Variants in GLCCI1 observed in about 807,000 individuals in gnomAD.
The protein encoded by GLCCI1 is glucocorticoid-induced transcript 1 protein.
GLCCI1 carries 24 observed loss-of-function variants against 52.2 expected under a neutral mutation model. The ratio of observed to expected loss-of-function variants is 0.46; its 90% CI spans 0.33 to 0.65. The LOEUF is 0.65. GLCCI1 is among the 30% of genes least tolerant of loss of function. GLCCI1 has a pLI of 0.02. For synonymous variants in GLCCI1, 310 were observed against 276.5 expected (o/e 1.12, Z -1.20); for missense variants, 704 against 701.5 (o/e 1.00, Z -0.04).
chr7:8,025,397 A>G (rs1781595361), intron 3 of GLCCI1, among the ~76,000 whole-genome samples: 1 of 152,212 alleles, frequency 6.6e-6, no homozygotes, highest in South Asian at 2.1e-4. Flanking sequence ...TCTAAAAAAG[A>G]AGGAAACAAA....
Position 7,969,217 on chromosome 7 carries a change from T to G in GLCCI1, c.-134T>G. The G allele has an allele frequency of 5.3e-6, 3 of 568,284 alleles. No homozygotes were observed. The highest frequency in any genetic ancestry group is 6.9e-6 in the Non-Finnish European group (3 of 435,542). 35.2% of individuals were successfully genotyped at this position (568,284 alleles called of 1,614,324 possible). Reference sequence around the variant, plus strand: ...TGGGGAGGGGGAGCCCCGAGACTCCTCCCCCACAGCGATACCCCCGCCCCT... The same window carrying G: ...TGGGGAGGGGGAGCCCCGAGACTCCGCCCCCACAGCGATACCCCCGCCCCT... On this transcript the variant is annotated 5_prime_UTR_variant, in exon 1 of 8. Transcript: ENST00000223145. The surrounding 1 kb of genome is among the most constrained non-coding windows in gnomAD (Gnocchi z 4.9).
intron 1 of GLCCI1, among the ~76,000 whole-genome samples, chr7:7,998,058 A>G (rs570305471): frequency 6.6e-6 from 1 of 151,882 alleles, no homozygotes; most frequent in African/African-American, 2.4e-5. Flanking sequence ...AATTATTAAA[A>G]TCTACATTTA....
intron 2 of GLCCI1, among the ~76,000 whole-genome samples, chr7:8,017,026 T>C (rs1781393156): frequency 6.6e-6 from 1 of 152,212 alleles, no homozygotes; most frequent in African/African-American, 2.4e-5. Flanking sequence ...AGGTCAGGAT[T>C]CATTCAGTCA....
chr7:7,981,312 GTCTC>G (rs532502101), intron 1 of GLCCI1: 5,410 of 225,212 alleles, frequency 0.024, 95 homozygotes, highest in Non-Finnish European at 0.036. Context: ...CTTTCTTTCT[GTCTC>G]TCTTTCTTTC....
At chr7:8,036,161 G>T (rs1243450102) in intron 3 of GLCCI1, among the ~76,000 whole-genome samples, 2 of 152,194 alleles carry the variant, frequency 1.3e-5, no homozygotes, top group African/African-American at 4.8e-5. Context: ...TAACACAAGT[G>T]CACAGTTCTG....
At chr7:8,018,025 C>CT (rs1301451704) in intron 2 of GLCCI1, among the ~76,000 whole-genome samples, 1 of 152,034 alleles carries the variant, frequency 6.6e-6, no homozygotes, top group African/African-American at 2.4e-5. Context: ...CTATTCTAAA[C>CT]TTTTTTATAA....
chr7:8,084,789 A>G, intron 6 of GLCCI1, 108 bp from the exon 7 acceptor site: 1 of 1,090,074 alleles, frequency 9.2e-7, no homozygotes, highest in South Asian at 1.6e-5. Context: ...GAGACTGGTC[A>G]AAGCATAGGG....
At chr7:8,053,339 G>T (rs58134984) in intron 3 of GLCCI1, among the ~76,000 whole-genome samples, 73,162 of 133,328 alleles carry the variant, frequency 0.55, 19,789 homozygotes, top group Middle Eastern at 0.63. Context: ...TTGTTTGTTT[G>T]TTTTGAGACA....
intron 6 of GLCCI1, among the ~76,000 whole-genome samples, chr7:8,084,430 T>C (rs777093805): frequency 1.3e-5 from 2 of 152,208 alleles, no homozygotes; most frequent in Non-Finnish European, 2.9e-5. Flanking sequence ...GTGTTATTCA[T>C]GATATTTAGC....
At chr7:8,033,668 T>G (rs1043280427) in intron 3 of GLCCI1, among the ~76,000 whole-genome samples, 5 of 152,116 alleles carry the variant, frequency 3.3e-5, no homozygotes, top group African/African-American at 4.8e-5. Flanking sequence ...TTAAAGTGTT[T>G]AGAAATAATT....
At chr7:7,990,640 G>A (rs1243253319) in intron 1 of GLCCI1, among the ~76,000 whole-genome samples, 8 of 151,942 alleles carry the variant, frequency 5.3e-5, no homozygotes, top group African/African-American at 1.2e-4. Context: ...TGTTTTACTC[G>A]TGGCCTCTAC....
intron 6 of GLCCI1, among the ~76,000 whole-genome samples, chr7:8,074,931 T>C (rs1242493730): frequency 6.6e-6 from 1 of 152,110 alleles, no homozygotes; most frequent in Non-Finnish European, 1.5e-5. Context: ...CAGACATCTG[T>C]AGGAGCCTGG....
chr7:7,988,540 T>C (rs1780781693), intron 1 of GLCCI1, among the ~76,000 whole-genome samples: 1 of 152,188 alleles, frequency 6.6e-6, no homozygotes, highest in South Asian at 2.1e-4. Context: ...TCGGAGAATT[T>C]CATTTAGAAT....
At position 7,998,176 on chromosome 7, in the gene GLCCI1, GTT is replaced by G. The variant is rs71014742; in HGVS notation, c.458-5718_458-5717del. On this transcript the variant is annotated intron_variant, in intron 1 of 7. Coordinates refer to ENST00000223145, the MANE Select transcript of GLCCI1 (RefSeq NM_138426.4). ...CATTTTTGAGGAGGTAGTTTTTTTT[GTT>G]TTTTTTTTTTTTTGTTGTTGTTGTT... Among the ~76,000 whole-genome samples the G allele has an allele frequency of 2.9e-3, 418 of 143,702 alleles. 4 individuals carry two copies. The highest frequency in any genetic ancestry group is 0.011 in the East Asian group (53 of 4,868). 94.3% of individuals were successfully genotyped at this position (143,702 alleles called of 152,430 possible). A position where few individuals can be genotyped will look rare whatever the true frequency, so the allele number is the denominator to read the frequency against.
At chr7:7,973,066 G>T (rs1170920376) in intron 1 of GLCCI1, among the ~76,000 whole-genome samples, 1 of 152,108 alleles carries the variant, frequency 6.6e-6, no homozygotes, top group African/African-American at 2.4e-5. Context: ...GTTCTGAAGG[G>T]TATTGCAGTG....
At chr7:7,985,657 C>T (rs1442005716) in intron 1 of GLCCI1, among the ~76,000 whole-genome samples, 1 of 152,178 alleles carries the variant, frequency 6.6e-6, no homozygotes, top group Non-Finnish European at 1.5e-5. Context: ...TTATTCAATG[C>T]TGAACACCTT....
intron 6 of GLCCI1, among the ~76,000 whole-genome samples, chr7:8,073,286 AG>A (rs1292229883): frequency 6.6e-6 from 1 of 152,108 alleles, no homozygotes; most frequent in African/African-American, 2.4e-5. Flanking sequence ...TAATCCTTTC[AG>A]GAAAAAAATA....
intron 3 of GLCCI1, among the ~76,000 whole-genome samples, chr7:8,041,397 G>A (rs1781995841): frequency 6.6e-6 from 1 of 152,226 alleles, no homozygotes; most frequent in South Asian, 2.1e-4. Flanking sequence ...AAGTGGTGAT[G>A]TAGAAACTGC....
intron 6 of GLCCI1, among the ~76,000 whole-genome samples, chr7:8,080,401 A>T (rs1207110636): frequency 6.6e-6 from 1 of 151,590 alleles, no homozygotes; most frequent in Admixed American, 6.5e-5. Context: ...ATTACATTCT[A>T]CTGCTTATTG....
Sources: allele counts gnomAD v4.1 joint callset (sites outside exome capture counted in the v4.1 genomes callset), GRCh38; gene constraint gnomAD v4.1.1; non-coding constraint Gnocchi (gnomAD v3.1); transcripts MANE v1.5; gene names NCBI Gene and HGNC (gene_info 2026-07-23, HGNC 2026-07-21).